Variants in C3orf33 observed in about 807,000 individuals in gnomAD.
The protein encoded by C3orf33 is mitochondrial inner membrane subdomain organizer 1, also known as AP-1 activity suppressor.
Under a neutral mutation model 28.7 loss-of-function variants are expected in C3orf33, and 23 were observed. The ratio of observed to expected loss-of-function variants is 0.80; its 90% CI spans 0.58 to 1.13. The LOEUF (loss-of-function observed/expected upper bound fraction) is 1.13, where lower values mean the gene tolerates loss of function less well. C3orf33 is among the 50% of genes most tolerant of loss of function. The pLI, the probability that C3orf33 is intolerant of heterozygous loss-of-function variation, is 0.00. For missense variants in C3orf33, 327 were observed against 353.4 expected, an observed-to-expected ratio of 0.93 and a Z score of 0.60; for synonymous variants, 119 against 120.5, an observed-to-expected ratio of 0.99 and a Z score of 0.08.
intron 2 of C3orf33, among the ~76,000 whole-genome samples, chr3:155,781,122 C>T (rs979913717): frequency 2.0e-5 from 3 of 151,806 alleles, no homozygotes; most frequent in Non-Finnish European, 4.4e-5. Context: ...CTCAGCCTCC[C>T]GAGTAGCTGG....
At position 155,789,302 on chromosome 3, in the gene C3orf33, G is replaced by A. The variant is rs374252810; in HGVS notation, c.174+13230C>T. On this transcript the variant is annotated intron_variant, in intron 2 of 4. Transcript: ENST00000340171. ...GGAGGTTGCAGTGAGCCAAGATTGCGCCATGGCACTCCAGCCTGGGCAACA... is the reference window on the plus strand; with the variant it reads ...GGAGGTTGCAGTGAGCCAAGATTGCACCATGGCACTCCAGCCTGGGCAACA... Among the ~76,000 whole-genome samples, 24 of 144,102 alleles carry A rather than the reference G, an allele frequency of 1.7e-4. No homozygotes were observed. In the South Asian group the frequency reaches 3.0e-3, roughly 18 times the overall value. The allele number at this position is 144,102 out of a possible 152,430, so 94.5% of individuals were successfully genotyped here.
chr3:155,780,213 G>A (rs1046298506), intron 2 of C3orf33, among the ~76,000 whole-genome samples: 2 of 152,210 alleles, frequency 1.3e-5, no homozygotes, highest in African/African-American at 4.8e-5. Flanking sequence ...AGGAGAGGCA[G>A]AAAGATGATG....
At chr3:155,768,962 G>C (rs1387417491) in intron 3 of C3orf33, among the ~76,000 whole-genome samples, 1 of 152,118 alleles carries the variant, frequency 6.6e-6, no homozygotes, top group Non-Finnish European at 1.5e-5. Flanking sequence ...GATCACCTGA[G>C]GTCAGGAGTT....
chr3:155,791,596 C>T (rs1751317865), intron 2 of C3orf33, among the ~76,000 whole-genome samples: 1 of 152,126 alleles, frequency 6.6e-6, no homozygotes, highest in African/African-American at 2.4e-5. Context: ...GGGGAGACCA[C>T]TTCCCTGATG....
intron 3 of C3orf33, among the ~76,000 whole-genome samples, chr3:155,774,531 T>C (rs1372206227): frequency 6.6e-6 from 1 of 152,106 alleles, no homozygotes; most frequent in Non-Finnish European, 1.5e-5. Flanking sequence ...GAAATGGGAA[T>C]TGCAGCAGGA....
chr3:155,799,844 T>C (rs1003352412), intron 2 of C3orf33, among the ~76,000 whole-genome samples: 2 of 152,138 alleles, frequency 1.3e-5, no homozygotes, highest in South Asian at 2.1e-4. Context: ...TTCTCACTTA[T>C]TTGAGGGAAC....
chr3:155,788,751 C>G (rs1178168922), intron 2 of C3orf33, among the ~76,000 whole-genome samples: 1 of 151,914 alleles, frequency 6.6e-6, no homozygotes, highest in Non-Finnish European at 1.5e-5. Context: ...AGCTTTTCCT[C>G]TAAGATCAGG....
chr3:155,796,541 C>A (rs558778443), intron 2 of C3orf33, among the ~76,000 whole-genome samples: 1 of 152,270 alleles, frequency 6.6e-6, no homozygotes, highest in African/African-American at 2.4e-5. Flanking sequence ...ACTCTGCCAG[C>A]AATGAACAGC....
In C3orf33 at chr3:155,775,772, C is replaced by T. The variant is rs185882867; in HGVS notation, c.251G>A (p.Arg84His). ...TTCTAAACCATTCTCAGTTATTCGG[C>T]GTAATCGTCCACGTAGTTTAACATT... ...RRNVKLRGRL[R>H]RITENGLEIE... is the part of the protein sequence containing the mutation. The change falls in exon 3 of 5, where the codon CGC becomes CAC. Residue 84 changes from arginine (R) to histidine (H), a missense_variant. Transcript: ENST00000340171. 3.7e-5 allele frequency: 59 copies of T among 1,593,576 alleles called. No individual in the cohort carries two copies. Among genetic ancestry groups the T allele is most frequent in the African/African-American group, 2.8e-4 (21 of 74,440 alleles).
intron 1 of C3orf33, 42 bp downstream of exon 1, chr3:155,806,097 G>A: frequency 2.3e-6 from 3 of 1,321,226 alleles, no homozygotes; most frequent in East Asian, 2.9e-5. Context: ...GCTCTGTGCC[G>A]CCCCGCGCCC....
At chr3:155,795,610 C>T (rs150852705) in intron 2 of C3orf33, among the ~76,000 whole-genome samples, 4 of 152,178 alleles carry the variant, frequency 2.6e-5, no homozygotes, top group Non-Finnish European at 4.4e-5. Flanking sequence ...TCCTGAATGA[C>T]CACTGAGTCA....
At chr3:155,787,131 T>C (rs1355722936) in intron 2 of C3orf33, among the ~76,000 whole-genome samples, 1 of 152,162 alleles carries the variant, frequency 6.6e-6, no homozygotes, top group Non-Finnish European at 1.5e-5. Context: ...GCAAGAAAAC[T>C]ATAGACCAGT....
chr3:155,806,100 C>T (rs1312289927), intron 1 of C3orf33, 39 bp downstream of exon 1: 1 of 1,341,638 alleles, frequency 7.5e-7, no homozygotes, highest in Admixed American at 2.5e-5. Flanking sequence ...CTGTGCCGCC[C>T]CGCGCCCACC....
chr3:155,786,589 G>A (rs566839565), intron 2 of C3orf33, among the ~76,000 whole-genome samples: 3 of 152,294 alleles, frequency 2.0e-5, no homozygotes. Flanking sequence ...CACTTTGGGA[G>A]GCCAAGGCAG....
chr3:155,805,629 G>A, intron 1 of C3orf33: 1 of 454,678 alleles, frequency 2.2e-6, no homozygotes, highest in Non-Finnish European at 4.4e-6. Context: ...GGCTGAAGTG[G>A]GAGGATCTTT....
chr3:155,790,651 C>T (rs992638836), intron 2 of C3orf33, among the ~76,000 whole-genome samples: 1 of 152,160 alleles, frequency 6.6e-6, no homozygotes, highest in Admixed American at 6.6e-5. Flanking sequence ...AGAATCTATG[C>T]ACTTGGATGG....
chr3:155,764,277 C>T (rs1233807229), intron 4 of C3orf33, among the ~76,000 whole-genome samples: 1 of 152,040 alleles, frequency 6.6e-6, no homozygotes, highest in Non-Finnish European at 1.5e-5. Context: ...GACAGTAGGA[C>T]CAGCAAAAGA....
At chr3:155,776,349 A>C (rs1303217090) in intron 2 of C3orf33, among the ~76,000 whole-genome samples, 3 of 152,202 alleles carry the variant, frequency 2.0e-5, no homozygotes, top group Non-Finnish European at 4.4e-5. Context: ...AAAACGAAAA[A>C]AAGGCCAACA....
intron 2 of C3orf33, among the ~76,000 whole-genome samples, chr3:155,795,234 C>G (rs939364303): frequency 9.9e-5 from 15 of 151,966 alleles, no homozygotes; most frequent in African/African-American, 3.6e-4. Context: ...GGTGGATAGA[C>G]CACCTGAGTT....
Sources: gnomAD v4.1 joint callset for allele counts (sites outside exome capture counted in the v4.1 genomes callset) on GRCh38, gnomAD v4.1.1 for gene constraint, MANE v1.5 for transcripts, NCBI Gene and HGNC (gene_info 2026-07-23, HGNC 2026-07-21) for gene names.